Variants in MEI4 observed in about 807,000 individuals in gnomAD.
MEI4 encodes meiotic double-stranded break formation protein 4, also known as meiosis-specific protein MEI4.
MEI4 carries 27 observed loss-of-function variants against 31.4 expected under a neutral mutation model. That is an observed-to-expected ratio of 0.86 (90% CI 0.63 to 1.19). MEI4 has a LOEUF of 1.19. MEI4 is among the 50% of genes most tolerant of loss of function. The probability of loss-of-function intolerance (pLI) is 0.00; values close to 1 mark genes in which losing one functional copy is unlikely to be tolerated. For synonymous variants in MEI4, 122 were observed against 145.4 expected, an observed-to-expected ratio of 0.84 and a Z score of 1.16; for missense variants, 329 against 398.9, an observed-to-expected ratio of 0.82 and a Z score of 1.49.
chr6:77,868,813 C>T (rs1771126823), intron 4 of MEI4, among the ~76,000 whole-genome samples: 1 of 152,080 alleles, frequency 6.6e-6, no homozygotes, highest in East Asian at 1.9e-4. Context: ...TATTAATTCA[C>T]CTTTACTCGT....
intron 1 of MEI4, among the ~76,000 whole-genome samples, chr6:77,666,692 T>A (rs1768640042): frequency 6.6e-6 from 1 of 152,194 alleles, no homozygotes; most frequent in Admixed American, 6.5e-5. Flanking sequence ...GCCGTTATGT[T>A]AGTCTTGCTT....
At chr6:77,675,147 A>G (rs55893643) in intron 1 of MEI4, among the ~76,000 whole-genome samples, 6,382 of 152,000 alleles carry the variant, frequency 0.042, 450 homozygotes, top group African/African-American at 0.15. Flanking sequence ...TATATATGTC[A>G]CTGTCTTTTT....
intron 1 of MEI4, among the ~76,000 whole-genome samples, chr6:77,657,562 C>A (rs1018844475): frequency 6.6e-6 from 1 of 151,936 alleles, no homozygotes; most frequent in Non-Finnish European, 1.5e-5. Flanking sequence ...CCCTCAGCTC[C>A]TTTCTTCCTT....
chr6:77,775,284 G>A (rs1768410919), intron 3 of MEI4, among the ~76,000 whole-genome samples: 1 of 152,004 alleles, frequency 6.6e-6, no homozygotes, highest in African/African-American at 2.4e-5. Flanking sequence ...TGGTTTTCCC[G>A]TTAAGCAGTG....
intron 2 of MEI4, among the ~76,000 whole-genome samples, chr6:77,727,012 G>A (rs1483053): frequency 6.6e-6 from 1 of 152,018 alleles, no homozygotes; most frequent in Non-Finnish European, 1.5e-5. Context: ...GAGGGAAGGG[G>A]GACATGTGTT....
At chr6:77,792,537 A>C (rs575478702) in intron 3 of MEI4, among the ~76,000 whole-genome samples, 1 of 152,254 alleles carries the variant, frequency 6.6e-6, no homozygotes, top group East Asian at 1.9e-4. Context: ...GATCATATAC[A>C]AAAAAATATT....
intron 4 of MEI4, among the ~76,000 whole-genome samples, chr6:77,907,145 T>C (rs1020491156): frequency 3.9e-5 from 6 of 152,152 alleles, no homozygotes; most frequent in African/African-American, 7.2e-5. Context: ...TAGCCATTTT[T>C]TTTAAATATA....
intron 4 of MEI4, among the ~76,000 whole-genome samples, chr6:77,859,298 T>C (rs1258317368): frequency 2.0e-5 from 3 of 152,218 alleles, no homozygotes; most frequent in African/African-American, 7.2e-5. Context: ...TCTATATCTT[T>C]GCTATTGTAA....
At chr6:77,778,683 G>C (rs1295773131) in intron 3 of MEI4, among the ~76,000 whole-genome samples, 1 of 151,796 alleles carries the variant, frequency 6.6e-6, no homozygotes, top group Non-Finnish European at 1.5e-5. Flanking sequence ...CTGAGTGACA[G>C]AGCGAGACCT....
intron 4 of MEI4, among the ~76,000 whole-genome samples, chr6:77,911,732 TAATA>T: frequency 6.8e-6 from 1 of 146,634 alleles, no homozygotes; most frequent in East Asian, 1.9e-4. Context: ...TTTATATATA[TAATA>T]TATATATATA....
chr6:77,909,287 T>C (rs1168048531), intron 4 of MEI4, among the ~76,000 whole-genome samples: 1 of 151,802 alleles, frequency 6.6e-6, no homozygotes. Flanking sequence ...TTTGAAAAGA[T>C]CAACAAAACT....
intron 2 of MEI4, among the ~76,000 whole-genome samples, chr6:77,731,133 G>T (rs1401381724): frequency 5.3e-5 from 8 of 151,914 alleles, no homozygotes; most frequent in African/African-American, 1.9e-4. Context: ...AATCCTTTGG[G>T]TACATACCCA....
intron 4 of MEI4, among the ~76,000 whole-genome samples, chr6:77,869,894 G>T (rs898715778): frequency 7.2e-5 from 11 of 152,102 alleles, no homozygotes; most frequent in Non-Finnish European, 1.3e-4. Flanking sequence ...GTAAAAGTGG[G>T]TACTCAATAC....
chr6:77,885,278 C>T (rs1771592028), intron 4 of MEI4, among the ~76,000 whole-genome samples: 1 of 151,746 alleles, frequency 6.6e-6, no homozygotes, highest in Non-Finnish European at 1.5e-5. Context: ...CTCAACCTTC[C>T]AGGCTCAAGC....
chr6:77,699,454 A>G (rs1477074526), intron 2 of MEI4, among the ~76,000 whole-genome samples: 1 of 151,984 alleles, frequency 6.6e-6, no homozygotes, highest in Non-Finnish European at 1.5e-5. Context: ...GGCCTCCCAA[A>G]GTGCTGGGAT....
At chr6:77,908,780 A>G (rs1314349866) in intron 4 of MEI4, among the ~76,000 whole-genome samples, 2 of 152,294 alleles carry the variant, frequency 1.3e-5, no homozygotes, top group Non-Finnish European at 1.5e-5. Flanking sequence ...TAAAGGGATC[A>G]ATTCAACAAG....
intron 3 of MEI4, among the ~76,000 whole-genome samples, chr6:77,789,559 GA>G (rs1768853851): frequency 6.6e-6 from 1 of 151,852 alleles, no homozygotes; most frequent in African/African-American, 2.4e-5. Flanking sequence ...AATTTACAAG[GA>G]AAAAACAAAC....
Position 77,699,403 on chromosome 6 carries a change from G to A in MEI4, c.232+8500G>A, listed in dbSNP as rs866102814. On this transcript the variant is annotated intron_variant, in intron 2 of 4. Coordinates refer to ENST00000684080, the MANE Select transcript of MEI4 (RefSeq NM_001322247.2). ...GAGATGGGGTTTCACCGTTTTAGCC[G>A]GGATGGTCTCGATCTCCTGACCTCG... 1.6e-3 allele frequency among the ~76,000 whole-genome samples: 235 copies of A among 151,414 alleles called. 1 individual carries two copies. Among genetic ancestry groups the A allele is most frequent in the African/African-American group, 4.6e-3 (192 of 41,328 alleles).
chr6:77,865,560 C>T (rs1358894138), intron 4 of MEI4, among the ~76,000 whole-genome samples: 2 of 152,154 alleles, frequency 1.3e-5, no homozygotes, highest in Non-Finnish European at 2.9e-5. Context: ...AGACCAAAAA[C>T]AGGCTCTGAA....
Sources: allele counts gnomAD v4.1 joint callset (sites outside exome capture counted in the v4.1 genomes callset), GRCh38; gene constraint gnomAD v4.1.1; transcripts MANE v1.5; gene names NCBI Gene and HGNC (gene_info 2026-07-23, HGNC 2026-07-21).